Variants in EFNA5 observed in about 807,000 individuals in gnomAD.
The protein encoded by EFNA5 is ephrin A5, also known as ephrin-A5.
In EFNA5, 5 loss-of-function variants were observed where a neutral mutation model predicts 22.9. The observed-to-expected ratio is 0.22, with a 90% CI of 0.11 to 0.46. The LOEUF (loss-of-function observed/expected upper bound fraction) is 0.46. Among genes scored for constraint, EFNA5 ranks in the 20% least tolerant of loss-of-function variants. The probability of loss-of-function intolerance (pLI) is 0.99; values close to 1 mark genes in which losing one functional copy is unlikely to be tolerated. For missense variants in EFNA5, 237 were observed against 293.3 expected (o/e 0.81, Z 1.40); for synonymous variants, 113 against 112.2 (o/e 1.01, Z -0.04).
chr5:107,639,075 T>TA (rs1462055433), intron 1 of EFNA5, among the ~76,000 whole-genome samples: 48 of 152,350 alleles, frequency 3.2e-4, no homozygotes, highest in African/African-American at 1.2e-3. Flanking sequence ...CCTTCAGTTA[T>TA]AAAAGCGTTT....
At chr5:107,625,739 C>T (rs1750128672) in intron 1 of EFNA5, among the ~76,000 whole-genome samples, 1 of 152,146 alleles carries the variant, frequency 6.6e-6, no homozygotes, top group Non-Finnish European at 1.5e-5. Flanking sequence ...TGACACTTTC[C>T]ATAATTCAAA....
In EFNA5 at chr5:107,381,230, T is replaced by C; in HGVS notation, c.*25A>G. On this transcript the variant is annotated 3_prime_UTR_variant, in exon 5 of 5. Transcript: ENST00000333274. ...TGTTCCAAGACCCTGATGTTTTCTG[T>C]GACAAGTGATGGGAGGAGACTGTGC... is the stretch of plus-strand genomic sequence containing the variant. The C allele has an allele frequency of 6.2e-7, 1 of 1,603,594 alleles. No homozygotes were observed. The highest frequency in any genetic ancestry group is 1.3e-5 in the African/African-American group (1 of 74,896).
intron 1 of EFNA5, among the ~76,000 whole-genome samples, chr5:107,467,043 T>C (rs762303208): frequency 6.6e-6 from 1 of 152,166 alleles, no homozygotes; most frequent in Non-Finnish European, 1.5e-5. Context: ...TTTAGAAGAT[T>C]ACTAAGAGGT....
intron 1 of EFNA5, among the ~76,000 whole-genome samples, chr5:107,516,174 T>TTGTGTGTG (rs59824895): frequency 0.12 from 17,152 of 139,428 alleles, 1,208 homozygotes; most frequent in Middle Eastern, 0.27. Context: ...CTGGCTAGTT[T>TTGTGTGTG]TGTGTGTGTG....
At chr5:107,488,786 G>T (rs1418246385) in intron 1 of EFNA5, among the ~76,000 whole-genome samples, 1 of 152,248 alleles carries the variant, frequency 6.6e-6, no homozygotes, top group African/African-American at 2.4e-5. Flanking sequence ...CTGCCTCCTG[G>T]GTTGAAGCGA....
At chr5:107,397,730 A>C (rs1747967653) in intron 2 of EFNA5, among the ~76,000 whole-genome samples, 1 of 152,196 alleles carries the variant, frequency 6.6e-6, no homozygotes, top group African/African-American at 2.4e-5. Flanking sequence ...GGAATCCTAG[A>C]GGCCTGAACA....
At chr5:107,465,548 G>A (rs1240618801) in intron 1 of EFNA5, among the ~76,000 whole-genome samples, 1 of 152,142 alleles carries the variant, frequency 6.6e-6, no homozygotes, top group Non-Finnish European at 1.5e-5. Context: ...TGGTGATCAT[G>A]GAGTGATGAC....
chr5:107,472,369 A>C (rs957300453), intron 1 of EFNA5, among the ~76,000 whole-genome samples: 6 of 152,184 alleles, frequency 3.9e-5, no homozygotes, highest in African/African-American at 1.2e-4. Context: ...GCTACTGCAA[A>C]TAATAATGTT....
At chr5:107,619,246 T>C (rs769315194) in intron 1 of EFNA5, among the ~76,000 whole-genome samples, 4 of 151,952 alleles carry the variant, frequency 2.6e-5, no homozygotes, top group African/African-American at 4.8e-5. Flanking sequence ...CTTATAAATA[T>C]GTGTCTCATG....
chr5:107,390,469 A>G (rs2112490516), intron 2 of EFNA5, among the ~76,000 whole-genome samples: 1 of 152,328 alleles, frequency 6.6e-6, no homozygotes, highest in South Asian at 2.1e-4. Flanking sequence ...GAATTGAAAC[A>G]TGTAACATTC....
At chr5:107,425,662 T>C (rs1294488928) in intron 2 of EFNA5, among the ~76,000 whole-genome samples, 4 of 152,246 alleles carry the variant, frequency 2.6e-5, no homozygotes, top group Non-Finnish European at 4.4e-5. Context: ...TGTTTTCTCA[T>C]GACTAATGAC....
At chr5:107,468,738 GT>G (rs1750060175) in intron 1 of EFNA5, among the ~76,000 whole-genome samples, 1 of 151,810 alleles carries the variant, frequency 6.6e-6, no homozygotes, top group Non-Finnish European at 1.5e-5. Context: ...AATTCTTTGT[GT>G]TTTCTTAACA....
At chr5:107,486,372 T>C (rs1349436266) in intron 1 of EFNA5, among the ~76,000 whole-genome samples, 1 of 151,986 alleles carries the variant, frequency 6.6e-6, no homozygotes, top group African/African-American at 2.4e-5. Flanking sequence ...TACAACCTAA[T>C]CAGGTTCAGG....
At chr5:107,481,701 T>C (rs1214199704) in intron 1 of EFNA5, among the ~76,000 whole-genome samples, 1 of 151,272 alleles carries the variant, frequency 6.6e-6, no homozygotes, top group Non-Finnish European at 1.5e-5. Flanking sequence ...ATAACACAAA[T>C]TAGTTGGGTG....
At chr5:107,636,563 G>A (rs953872389) in intron 1 of EFNA5, among the ~76,000 whole-genome samples, 1 of 152,166 alleles carries the variant, frequency 6.6e-6, no homozygotes, top group Non-Finnish European at 1.5e-5. Context: ...AGATGTGTTT[G>A]ATTTATCTGT....
chr5:107,457,415 C>T (rs1217950041), intron 1 of EFNA5, among the ~76,000 whole-genome samples: 2 of 152,064 alleles, frequency 1.3e-5, no homozygotes, highest in Non-Finnish European at 1.5e-5. Flanking sequence ...AAAAAGGCAT[C>T]GCATTTGCAT....
At chr5:107,539,114 G>A (rs528195014) in intron 1 of EFNA5, among the ~76,000 whole-genome samples, 1 of 152,334 alleles carries the variant, frequency 6.6e-6, no homozygotes, top group South Asian at 2.1e-4. Flanking sequence ...CTTGGGAGCT[G>A]CCTGGAAACA....
chr5:107,504,364 C>T (rs1482819785), intron 1 of EFNA5, among the ~76,000 whole-genome samples: 1 of 152,032 alleles, frequency 6.6e-6, no homozygotes, highest in East Asian at 1.9e-4. Context: ...TGTCCCTACA[C>T]TCGAAGAGGA....
At chr5:107,527,858 G>C (rs1342767538) in intron 1 of EFNA5, among the ~76,000 whole-genome samples, 1 of 152,076 alleles carries the variant, frequency 6.6e-6, no homozygotes, top group Non-Finnish European at 1.5e-5. Flanking sequence ...CAACAACCAC[G>C]TCAGGGAGAA....
Sources: gnomAD v4.1 joint callset for allele counts (sites outside exome capture counted in the v4.1 genomes callset) on GRCh38, gnomAD v4.1.1 for gene constraint, MANE v1.5 for transcripts, NCBI Gene and HGNC (gene_info 2026-07-23, HGNC 2026-07-21) for gene names.